The following PHB2 variants were observed in gnomAD, a reference collection of about 807,000 sequenced individuals.
The protein encoded by PHB2 is prohibitin-2.
In PHB2, 22 loss-of-function variants were observed where a neutral mutation model predicts 46.4. That is an observed-to-expected ratio of 0.47 (90% CI 0.34 to 0.68). The LOEUF is 0.68. Among genes scored for constraint, PHB2 ranks in the 30% least tolerant of loss-of-function variants. PHB2 has a pLI of 0.01. For missense variants in PHB2, 305 were observed against 382.8 expected (o/e 0.80, Z 1.70); for synonymous variants, 156 against 150.5 (o/e 1.04, Z -0.27).
intron 8 of PHB2, 145 bp from the exon 9 acceptor site, chr12:6,966,061 C>T: frequency 1.2e-6 from 1 of 856,246 alleles, no homozygotes; most frequent in Non-Finnish European, 1.9e-6. Flanking sequence ...GAATCTCAGG[C>T]TCATGAAAGG....
At chr12:6,968,374 A>C in intron 4 of PHB2, 37 bp downstream of exon 4, 2 of 1,496,362 alleles carry the variant, frequency 1.3e-6, no homozygotes, top group Non-Finnish European at 1.8e-6. Context: ...CTAGGAAGGA[A>C]AGGCTGACAC....
intron 7 of PHB2, among the ~76,000 whole-genome samples, chr12:6,966,923 A>G (rs1395340398): frequency 6.6e-6 from 1 of 152,002 alleles, no homozygotes; most frequent in Non-Finnish European, 1.5e-5. Flanking sequence ...TATCTTTTGT[A>G]TTTTTAGTAG....
In PHB2 at chr12:6,967,586, C is replaced by T. The variant is rs375315498; in HGVS notation, c.711+90G>A. 123 of 1,096,692 alleles carry T rather than the reference C, an allele frequency of 1.1e-4. No homozygotes were observed. Among genetic ancestry groups the T allele is most frequent in the Admixed American group, 2.4e-4 (14 of 59,412 alleles). The allele number at this position is 1,096,692 out of a possible 1,614,324, so 67.9% of individuals were successfully genotyped here. ...GGGCCAGAGAGCACGGAGTCGCATT[C>T]GCCTTAGTCTCATCAGCCTGCCCAT... On this transcript the variant is annotated intron_variant, in intron 6 of 9. Coordinates refer to ENST00000535923, the MANE Select transcript of PHB2 (RefSeq NM_001144831.2). This position sits in a 1 kb window ranked among gnomAD's most constrained non-coding sequence, Gnocchi z 4.9.
Position 6,967,213 on chromosome 12 carries a change from G to C in PHB2, c.747C>G (p.Ile249Met). 1 of 1,609,228 alleles carries C rather than the reference G, an allele frequency of 6.2e-7. No individual in the cohort carries two copies. The highest frequency in any genetic ancestry group is 8.5e-7 in the Non-Finnish European group (1 of 1,177,664). Residue 249 changes from isoleucine to methionine, a missense_variant, in exon 7 of 10, where the codon ATC becomes ATG. This residue lies in a region of PHB2 where 241 missense variants were observed against 302.7 expected (regional missense o/e 0.80). Transcript: ENST00000535923. The surrounding 1 kb of genome is among the most constrained non-coding windows in gnomAD (Gnocchi z 4.9). ...GEALSKNPGY[I>M]KLRKIRAAQN... Reference sequence around the variant, plus strand: ...GGGCTGCTCGAATCTTGCGAAGTTTGATGTAGCCAGGGTTCTTGCTCAGTG... The same window carrying C: ...GGGCTGCTCGAATCTTGCGAAGTTTCATGTAGCCAGGGTTCTTGCTCAGTG...
In PHB2 at chr12:6,965,903, C is replaced by T. The variant is rs1555150714; in HGVS notation, c.872+8G>A. ...CTGCAGGACCCCACAGAAGCAACAA[C>T]AGCTTACCTTCCCCTGTGGTGCCAG... On this transcript the variant is annotated splice_region_variant and intron_variant, in intron 9 of 9. Transcript: ENST00000535923. 1 of 1,599,040 alleles carries T rather than the reference C, an allele frequency of 6.3e-7. No homozygotes were observed. Among genetic ancestry groups the T allele is most frequent in the Admixed American group, 1.7e-5 (1 of 59,904 alleles).
At chr12:6,970,130 T>C (rs1946295473) in intron 2 of PHB2, 66 bp downstream of exon 2, 1 of 1,167,830 alleles carries the variant, frequency 8.6e-7, no homozygotes, top group Non-Finnish European at 1.3e-6. Flanking sequence ...CACGTCCGAC[T>C]ATAGCCACTG....
At position 6,970,372 on chromosome 12, in the gene PHB2, G is replaced by C. The variant is rs781849842; in HGVS notation, c.127+45C>G. The C allele has an allele frequency of 2.7e-5, 44 of 1,604,640 alleles. No homozygotes were observed. The East Asian group carries it at 9.6e-4, about 35-fold the overall frequency. ...GCGCGGGGACAGGGCAAGGGGTTTG[G>C]GGGAGGGACTGGAAGCGTCCGGCGA... On this transcript the variant is annotated intron_variant, in intron 1 of 9. Transcript: ENST00000535923.
chr12:6,967,658 T>C lies in PHB2; in HGVS notation c.711+18A>G, dbSNP rs1555151085. 1 of 1,591,512 alleles carries C rather than the reference T, an allele frequency of 6.3e-7. No individual in the cohort carries two copies. The highest frequency in any genetic ancestry group is 8.6e-7 in the Non-Finnish European group (1 of 1,159,926). ...GTGCCCTAGGGGCTGGGCTGAGATCTCTCCAGCAGAAGGATATCATCTTGG... is the reference window on the plus strand; with the variant it reads ...GTGCCCTAGGGGCTGGGCTGAGATCCCTCCAGCAGAAGGATATCATCTTGG... On this transcript the variant is annotated intron_variant, in intron 6 of 9. Transcript: ENST00000535923. This position sits in a 1 kb window ranked among gnomAD's most constrained non-coding sequence, Gnocchi z 4.9.
intron 3 of PHB2, chr12:6,968,819 G>C (rs781842417): frequency 4.6e-5 from 26 of 569,962 alleles, no homozygotes; most frequent in African/African-American, 4.2e-4. Flanking sequence ...CACCAGCAGA[G>C]CTGACTACTC....
At position 6,965,956 on chromosome 12, in the gene PHB2, G is replaced by A. The variant is rs781983431; in HGVS notation, c.867-40C>T. 49 of 1,595,298 alleles carry A rather than the reference G, an allele frequency of 3.1e-5. No homozygotes were observed. In the African/African-American group the frequency reaches 5.5e-4, roughly 18 times the overall value. On this transcript the variant is annotated intron_variant, in intron 8 of 9. Coordinates refer to ENST00000535923, the MANE Select transcript of PHB2 (RefSeq NM_001144831.2). ...CGCCAGATGAACAAGAAACAGAGAAGAGAAATGCACATGTTAATTGACAGC... is the reference window on the plus strand; with the variant it reads ...CGCCAGATGAACAAGAAACAGAGAAAAGAAATGCACATGTTAATTGACAGC...
At position 6,968,486 on chromosome 12, in the gene PHB2, C is replaced by A. The variant is rs370157692; in HGVS notation, c.402G>T (p.Pro134=). 1.2e-6 allele frequency: 2 copies of A among 1,613,040 alleles called. No individual in the cohort carries two copies. The highest frequency in any genetic ancestry group is 1.7e-6 in the Non-Finnish European group (2 of 1,179,538). Residue 134 remains proline, a synonymous_variant, in exon 4 of 10, where the codon CCG becomes CCT. Coordinates refer to ENST00000535923, the MANE Select transcript of PHB2 (RefSeq NM_001144831.2). ...LGLDYEERVL[P]SIVNEVLKSV... ...TCTTGAGCACCTCGTTGACAATGGACGGCAACACTCGTTCCTCGTAGTCCA... is the reference window on the plus strand; with the variant it reads ...TCTTGAGCACCTCGTTGACAATGGAAGGCAACACTCGTTCCTCGTAGTCCA...
In PHB2 at chr12:6,970,400, A is replaced by T. The variant is rs73264607; in HGVS notation, c.127+17T>A. The T allele has an allele frequency of 6.2e-7, 1 of 1,603,658 alleles. No individual in the cohort carries two copies. Among genetic ancestry groups the T allele is most frequent in the African/African-American group, 1.3e-5 (1 of 74,900 alleles). On this transcript the variant is annotated intron_variant, in intron 1 of 9. Coordinates refer to ENST00000535923, the MANE Select transcript of PHB2 (RefSeq NM_001144831.2). ...GAGGGACTGGAAGCGTCCGGCGAGC[A>T]GGCGGAGGTTGCTCACCGGTGAACA... is the stretch of plus-strand genomic sequence containing the variant.
At position 6,969,590 on chromosome 12, in the gene PHB2, G is replaced by C. The variant is rs368129669; in HGVS notation, c.213-13C>G. The C allele has an allele frequency of 5.1e-6, 8 of 1,557,402 alleles. No individual in the cohort carries two copies. The highest frequency in any genetic ancestry group is 7.1e-6 in the Non-Finnish European group (8 of 1,130,212). On this transcript the variant is annotated splice_polypyrimidine_tract_variant and intron_variant, in intron 2 of 9. Transcript: ENST00000535923. Reference sequence around the variant, plus strand: ...GAACCAAGGGATCCTGGAGAGGACAGGGATAGGTATTAAGAGGCCACAGTT... The same window carrying C: ...GAACCAAGGGATCCTGGAGAGGACACGGATAGGTATTAAGAGGCCACAGTT...
At chr12:6,966,362 A>G in intron 8 of PHB2, 62 bp downstream of exon 8, 1 of 1,051,310 alleles carries the variant, frequency 9.5e-7, no homozygotes. Flanking sequence ...TCCAGAGCCC[A>G]AACAACCAGA....
intron 8 of PHB2, 53 bp downstream of exon 8, chr12:6,966,369 CAG>C: frequency 9.0e-7 from 1 of 1,105,364 alleles, no homozygotes; most frequent in East Asian, 2.3e-5. Flanking sequence ...CCCAAACAAC[CAG>C]ACTCAGGTCC....
chr12:6,967,786 T>G lies in PHB2; in HGVS notation c.608-7A>C. 1 of 1,613,070 alleles carries G rather than the reference T, an allele frequency of 6.2e-7. No homozygotes were observed. ...CGCTGGGCCTCCTGCTGGGCTGTGG[T>G]GGGAGAGAGTCAGGGAGACCCTGTC... On this transcript the variant is annotated splice_region_variant and splice_polypyrimidine_tract_variant and intron_variant, in intron 5 of 9. Coordinates refer to ENST00000535923, the MANE Select transcript of PHB2 (RefSeq NM_001144831.2). The surrounding 1 kb of genome is among the most constrained non-coding windows in gnomAD (Gnocchi z 4.9).
chr12:6,968,175 G>C (rs1052108985), intron 4 of PHB2, among the ~76,000 whole-genome samples, 154 bp from the exon 5 acceptor site: 2 of 152,180 alleles, frequency 1.3e-5, no homozygotes, highest in Admixed American at 6.5e-5. Context: ...CTCTCTGCTC[G>C]AAGAGGTGCA....
chr12:6,970,742 C>T (rs782693342), upstream of PHB2: 52 of 926,186 alleles, frequency 5.6e-5, no homozygotes, highest in Non-Finnish European at 7.4e-5. Flanking sequence ...GCACAGGAAT[C>T]GCGCATACGG....
intron 3 of PHB2, 150 bp from the exon 4 acceptor site, chr12:6,968,745 A>T (rs782627718): frequency 1.4e-6 from 1 of 701,996 alleles, no homozygotes; most frequent in Non-Finnish European, 2.6e-6. Flanking sequence ...GACAAGGAAG[A>T]CAAGACGCAG....
Sources: gnomAD v4.1 joint callset for allele counts (sites outside exome capture counted in the v4.1 genomes callset) on GRCh38, gnomAD v4.1.1 for gene constraint, gnomAD v4.1.1 regional missense constraint, Gnocchi (gnomAD v3.1) non-coding constraint, MANE v1.5 for transcripts, NCBI Gene and HGNC (gene_info 2026-07-23, HGNC 2026-07-21) for gene names.